The following DMD variants were observed in gnomAD, a reference collection of about 807,000 sequenced individuals.
DMD encodes dystrophin.
Under a neutral mutation model 330.1 loss-of-function variants are expected in DMD, and 63 were observed. The ratio of observed to expected loss-of-function variants is 0.19; its 90% confidence interval spans 0.16 to 0.24. The LOEUF is 0.24. DMD is among the 10% of genes least tolerant of loss of function. The probability of loss-of-function intolerance (pLI) is 1.00; values close to 1 mark genes in which losing one functional copy is unlikely to be tolerated. For synonymous variants in DMD, 1,223 were observed against 959.8 expected, an observed-to-expected ratio of 1.27 and a Z score of -5.07; for missense variants, 3,344 against 2,684.1, an observed-to-expected ratio of 1.25 and a Z score of -5.43.
At chrX:32,959,154 C>T (rs1036789598) in intron 2 of DMD, among the ~76,000 whole-genome samples, 1 of 112,073 alleles carries the variant, frequency 8.9e-6, no homozygotes, top group Non-Finnish European at 1.9e-5. Flanking sequence ...TTGAATGTAA[C>T]GTACTCATTA....
chrX:32,815,917 CT>C (rs769787014), intron 6 of DMD, among the ~76,000 whole-genome samples: 1 of 111,207 alleles, frequency 9.0e-6, no homozygotes, highest in South Asian at 3.8e-4. Flanking sequence ...GTCTTGGTTA[CT>C]AAAAATGCTC....
At chrX:32,238,750 T>C (rs777546551) in intron 43 of DMD, among the ~76,000 whole-genome samples, 1 of 111,949 alleles carries the variant, frequency 8.9e-6, no homozygotes, top group Non-Finnish European at 1.9e-5. Context: ...CCATGGCTAT[T>C]GCTGAAAAGT....
chrX:31,384,309 C>CACTACTACTACTACTACT (rs79171547), intron 60 of DMD, among the ~76,000 whole-genome samples: 4 of 91,320 alleles, frequency 4.4e-5, no homozygotes, highest in African/African-American at 1.5e-4. Context: ...TATCCTGCTT[C>CACTACTACTACTACTACT]ACTACTACTA....
At chrX:31,936,994 A>C (rs1054437262) in intron 45 of DMD, among the ~76,000 whole-genome samples, 2 of 111,240 alleles carry the variant, frequency 1.8e-5, no homozygotes, top group South Asian at 7.4e-4. Context: ...GCTTTAAAAT[A>C]TGTTTAATTT....
intron 13 of DMD, among the ~76,000 whole-genome samples, chrX:32,574,404 T>C (rs1045967472): frequency 2.2e-4 from 25 of 112,106 alleles, no homozygotes; most frequent in South Asian, 7.4e-4. Context: ...ACTACTCTAG[T>C]GAGAAAACTA....
intron 30 of DMD, among the ~76,000 whole-genome samples, chrX:32,408,172 T>TCCTA (rs1444141268): frequency 8.9e-6 from 1 of 111,758 alleles, no homozygotes; most frequent in Non-Finnish European, 1.9e-5. Context: ...AATAAAATAC[T>TCCTA]CCTAGGTCAA....
chrX:31,363,055 T>G (rs185721278), intron 60 of DMD, among the ~76,000 whole-genome samples: 17 of 112,756 alleles, frequency 1.5e-4, no homozygotes, highest in African/African-American at 5.5e-4. Flanking sequence ...CTCATACTTT[T>G]GACTTACCAT....
At chrX:32,838,121 T>C (rs763158545) in intron 4 of DMD, among the ~76,000 whole-genome samples, 8 of 111,943 alleles carry the variant, frequency 7.1e-5, no homozygotes, top group African/African-American at 2.6e-4. Context: ...TTCCATCAAT[T>C]TTTCTTCATG....
chrX:31,864,485 CTT>C (rs201374257), intron 48 of DMD, among the ~76,000 whole-genome samples: 91 of 54,325 alleles, frequency 1.7e-3, no homozygotes, highest in African/African-American at 8.4e-3. Flanking sequence ...TTTTGAAGGC[CTT>C]TTTTTTTTTT....
At chrX:31,916,608 A>G (rs2094611603) in intron 47 of DMD, among the ~76,000 whole-genome samples, 1 of 111,475 alleles carries the variant, frequency 9.0e-6, no homozygotes, top group Non-Finnish European at 1.9e-5. Flanking sequence ...TTGGCCACTT[A>G]CTCTGTATCA....
chrX:32,784,779 A>C (rs1293479591), intron 7 of DMD, among the ~76,000 whole-genome samples: 1 of 111,663 alleles, frequency 9.0e-6, no homozygotes, highest in Non-Finnish European at 1.9e-5. Context: ...ATATTTGTAC[A>C]TTTATTAGAA....
At chrX:32,038,709 G>A (rs1350289220) in intron 44 of DMD, among the ~76,000 whole-genome samples, 2 of 109,509 alleles carry the variant, frequency 1.8e-5, no homozygotes, top group African/African-American at 6.7e-5. Flanking sequence ...AGGGAAACAT[G>A]CCAATGAAAA....
rs548588921 is a variant in DMD at position 32,765,567 on chromosome X, T to C, written c.649+43926A>G. On this transcript the variant is annotated intron_variant, in intron 7 of 78. Transcript: ENST00000357033. The stretch of plus-strand genomic sequence containing the variant: ...ATATTTCTTTAGAGCAATGCAAGAA[T>C]GGACTAACATATAGGAGTTCTTGGC... 9.8e-5 allele frequency among the ~76,000 whole-genome samples: 11 copies of C among 111,956 alleles called. No homozygotes were observed. In the South Asian group the frequency reaches 4.1e-3, roughly 41 times the overall value.
At chrX:32,975,310 T>G (rs2092509049) in intron 2 of DMD, among the ~76,000 whole-genome samples, 1 of 106,932 alleles carries the variant, frequency 9.4e-6, no homozygotes, top group South Asian at 4.1e-4. Flanking sequence ...CAAAAAATAT[T>G]CACTCCACAT....
At chrX:32,205,137 A>G (rs893440899) in intron 44 of DMD, among the ~76,000 whole-genome samples, 1 of 99,806 alleles carries the variant, frequency 1.0e-5, no homozygotes, top group Non-Finnish European at 2.0e-5. Flanking sequence ...CTAAAAATCA[A>G]AGGCCGGTGT....
chrX:32,809,525 T>C lies in DMD; in HGVS notation c.617A>G (p.Gln206Arg). 8.3e-7 allele frequency: 1 copy of C among 1,211,084 alleles called. No individual in the cohort carries two copies. Among genetic ancestry groups the C allele is most frequent in the East Asian group, 3.0e-5 (1 of 33,797 alleles). Reference protein sequence around the residue: ...LEHAFNIARYQLGIEKLLDPE... With the variant: ...LEHAFNIARYRLGIEKLLDPE... ...ATCGAGTAGTTTCTCTATGCCTAAT[T>C]GATATCTGGCGATGTTGAATGCATG... Residue 206 changes from glutamine (Q) to arginine (R), a missense_variant, in exon 7 of 79, where the codon CAA becomes CGA. By Grantham distance (43) the Gln-to-Arg change is conservative. Transcript: ENST00000357033.
intron 25 of DMD, among the ~76,000 whole-genome samples, chrX:32,462,844 A>G (rs2098388336): frequency 1.8e-5 from 2 of 110,810 alleles, no homozygotes; most frequent in African/African-American, 6.6e-5. Flanking sequence ...CTGTACTTCT[A>G]GCTACTTGTG....
At chrX:31,661,189 G>A (rs980794022) in intron 53 of DMD, among the ~76,000 whole-genome samples, 7 of 111,727 alleles carry the variant, frequency 6.3e-5, no homozygotes, top group South Asian at 3.7e-4. Flanking sequence ...TATTCACAGC[G>A]AAAGTTAGGA....
chrX:32,581,649 T>A (rs2053664927), intron 13 of DMD, among the ~76,000 whole-genome samples: 1 of 112,100 alleles, frequency 8.9e-6, no homozygotes, highest in Admixed American at 9.5e-5. Context: ...TTTATGTGTA[T>A]TAAATACATA....
Sources: gnomAD v4.1 joint callset for allele counts (sites outside exome capture counted in the v4.1 genomes callset) on GRCh38, gnomAD v4.1.1 for gene constraint, MANE v1.5 for transcripts, NCBI Gene and HGNC (gene_info 2026-07-23, HGNC 2026-07-21) for gene names.